The following TUT4 variants were observed in gnomAD, a reference collection of about 807,000 sequenced individuals.
TUT4 encodes the protein terminal uridylyl transferase 4.
TUT4 carries 36 observed loss-of-function variants against 192.2 expected under a neutral mutation model. The ratio of observed to expected loss-of-function variants is 0.19; its 90% CI spans 0.14 to 0.25. The LOEUF (loss-of-function observed/expected upper bound fraction) is 0.25, where lower values mean the gene tolerates loss of function less well. TUT4 is among the 10% of genes least tolerant of loss of function. The pLI, the probability that TUT4 is intolerant of heterozygous loss-of-function variation, is 1.00. For synonymous variants in TUT4, 618 were observed against 666.0 expected, an observed-to-expected ratio of 0.93 and a Z score of 1.11; for missense variants, 1,493 against 1,957.2, an observed-to-expected ratio of 0.76 and a Z score of 4.47.
At chr1:52,494,377 T>C (rs377204793) in intron 6 of TUT4, among the ~76,000 whole-genome samples, 1 of 152,126 alleles carries the variant, frequency 6.6e-6, no homozygotes, top group Non-Finnish European at 1.5e-5. Flanking sequence ...TTGTCAAATG[T>C]TTAAAGTGTT....
At chr1:52,552,843 A>C (rs1278778494) in intron 1 of TUT4, 88 bp downstream of exon 1, 2 of 152,294 alleles carry the variant, frequency 1.3e-5, no homozygotes. Context: ...GAAGCGCGGC[A>C]CCTGGGGAGG....
chr1:52,545,378 C>CAAA (rs1269542752), intron 1 of TUT4, among the ~76,000 whole-genome samples: 1 of 70,750 alleles, frequency 1.4e-5, no homozygotes, highest in African/African-American at 4.8e-5. Context: ...GACTCTGTCT[C>CAAA]AAAAAAAAAA....
intron 1 of TUT4, among the ~76,000 whole-genome samples, chr1:52,547,435 G>A (rs938722348): frequency 2.0e-5 from 3 of 151,906 alleles, no homozygotes; most frequent in Admixed American, 6.6e-5. Flanking sequence ...CACTGAGAAT[G>A]TAAAATGGTA....
Position 52,526,378 on chromosome 1 carries a change from T to C in TUT4, c.-93-5A>G, listed in dbSNP as rs369323533. On this transcript the variant is annotated splice_polypyrimidine_tract_variant and splice_region_variant and intron_variant, in intron 1 of 29. Transcript: ENST00000257177. ...AGTCCAGTTTAGGCAAGCAAACTATTGGGTTAAAAAAAAGAGAAAAATCTG... is the reference window on the plus strand; with the variant it reads ...AGTCCAGTTTAGGCAAGCAAACTATCGGGTTAAAAAAAAGAGAAAAATCTG... The C allele has an allele frequency of 6.3e-6, 7 of 1,109,112 alleles. No individual in the cohort carries two copies. Among genetic ancestry groups the C allele is most frequent in the Non-Finnish European group, 8.1e-6 (7 of 860,680 alleles). The allele number at this position is 1,109,112 out of a possible 1,614,324, so 68.7% of individuals were successfully genotyped here.
At chr1:52,459,835 T>C (rs934413075) in intron 19 of TUT4, among the ~76,000 whole-genome samples, 1 of 151,894 alleles carries the variant, frequency 6.6e-6, no homozygotes, top group Admixed American at 6.6e-5. Flanking sequence ...TGAGCCGAGA[T>C]TGTGCCACTG....
intron 9 of TUT4, among the ~76,000 whole-genome samples, chr1:52,485,132 T>A (rs919456175): frequency 6.6e-6 from 1 of 152,250 alleles, no homozygotes; most frequent in Non-Finnish European, 1.5e-5. Context: ...GCTGAATGCA[T>A]GGATTTGTTC....
In TUT4 at chr1:52,490,821, G is replaced by T. The variant is rs1279730352; in HGVS notation, c.1319-20C>A. 6.5e-7 allele frequency: 1 copy of T among 1,533,612 alleles called. No homozygotes were observed. Among genetic ancestry groups the T allele is most frequent in the Non-Finnish European group, 8.9e-7 (1 of 1,122,866 alleles). On this transcript the variant is annotated intron_variant, in intron 7 of 29. Transcript: ENST00000257177. ...ATAATACTAATAAGGAAAAAAAAAAGTAAGCTAATGTCAACATCTCTAAAA... is the reference window on the plus strand; with the variant it reads ...ATAATACTAATAAGGAAAAAAAAAATTAAGCTAATGTCAACATCTCTAAAA...
At chr1:52,502,055 A>G (rs1277967418) in intron 4 of TUT4, among the ~76,000 whole-genome samples, 1 of 151,900 alleles carries the variant, frequency 6.6e-6, no homozygotes, top group Admixed American at 6.6e-5. Context: ...AACAATGTAA[A>G]TGTACTTAAT....
chr1:52,472,894 T>C (rs1666151490), intron 13 of TUT4, among the ~76,000 whole-genome samples: 1 of 152,162 alleles, frequency 6.6e-6, no homozygotes, highest in South Asian at 2.1e-4. Flanking sequence ...CCTGGACATT[T>C]ATATAGCCAT....
chr1:52,445,149 A>G (rs563141038), intron 24 of TUT4, among the ~76,000 whole-genome samples: 14 of 151,910 alleles, frequency 9.2e-5, no homozygotes, highest in African/African-American at 2.4e-4. Context: ...ATTTCTTCTA[A>G]GTCTCCTGCT....
chr1:52,452,153 T>C (rs1659624303), intron 20 of TUT4, among the ~76,000 whole-genome samples: 1 of 152,020 alleles, frequency 6.6e-6, no homozygotes, highest in African/African-American at 2.4e-5. Flanking sequence ...AAAGACATTG[T>C]AAGTAAAGAA....
Position 52,438,333 on chromosome 1 carries a change from C to G in TUT4, c.3825G>C (p.Glu1275Asp). The change falls in exon 25 of 30, where the codon GAG (glutamate) becomes GAC (aspartate). Residue 1275 changes from glutamate to aspartate, a missense_variant and splice_region_variant. Glu to Asp is a conservative substitution (Grantham distance 45). This residue lies in a region of TUT4 where 141 missense variants were observed against 382.7 expected (regional missense o/e 0.37). Coordinates refer to ENST00000257177, the MANE Select transcript of TUT4 (RefSeq NM_001009881.3). The stretch of plus-strand genomic sequence containing the variant: ...TTAATACTCTGGAATCAAAGAAGTA[C>G]TCCTAGGGAGAAAATGCAATTTTAC... ...PFYPLIGREA[E>D]YFFDSRVLTD... is the part of the protein sequence containing the mutation. The G allele has an allele frequency of 6.2e-7, 1 of 1,603,868 alleles. No individual in the cohort carries two copies. Among genetic ancestry groups the G allele is most frequent in the Non-Finnish European group, 8.5e-7 (1 of 1,176,266 alleles).
chr1:52,436,904 C>A lies in TUT4; in HGVS notation c.4013G>T (p.Arg1338Leu). The A allele has an allele frequency of 6.4e-7, 1 of 1,550,580 alleles. No individual in the cohort carries two copies. Among genetic ancestry groups the A allele is most frequent in the South Asian group, 1.1e-5 (1 of 88,236 alleles). ...KEGNEEEKDS[R>L]DVLDPRDLHD... ...GAGGTCTCGGGGGTCAAGAACATCT[C>A]GGGAATCTTTCTCTTCTTCATTCCC... The change falls in exon 26 of 30, where the codon CGA (arginine) becomes CTA (leucine). Residue 1338 changes from arginine (R) to leucine (L), a missense_variant. This residue lies in a region of TUT4 where 351 missense variants were observed against 397.8 expected (regional missense o/e 0.88). Transcript: ENST00000257177.
Position 52,423,910 on chromosome 1 carries a change from C to T in TUT4, c.*25G>A. On this transcript the variant is annotated 3_prime_UTR_variant, in exon 30 of 30. Coordinates refer to ENST00000257177, the MANE Select transcript of TUT4 (RefSeq NM_001009881.3). ...TGGCTGGTTGCTGTGCATCGGTAGA[C>T]CAGCTGAAAGAAAATGGACTCGCAT... 1 of 1,609,944 alleles carries T rather than the reference C, an allele frequency of 6.2e-7. No homozygotes were observed. The highest frequency in any genetic ancestry group is 8.5e-7 in the Non-Finnish European group (1 of 1,178,182).
chr1:52,458,320 T>G lies in TUT4; in HGVS notation c.3435+16A>C, dbSNP rs1021979629. On this transcript the variant is annotated intron_variant, in intron 20 of 29. Coordinates refer to ENST00000257177, the MANE Select transcript of TUT4 (RefSeq NM_001009881.3). The stretch of plus-strand genomic sequence containing the variant: ...TTTTCAAAAAAAACTCCTTTATAGT[T>G]TTCTTAAACACCTACCTCTTGTAGA... 4 of 1,599,628 alleles carry G rather than the reference T, an allele frequency of 2.5e-6. No individual in the cohort carries two copies. Among genetic ancestry groups the G allele is most frequent in the Non-Finnish European group, 3.4e-6 (4 of 1,171,198 alleles).
At chr1:52,530,751 T>G (rs112267245) in intron 1 of TUT4, among the ~76,000 whole-genome samples, 3 of 152,154 alleles carry the variant, frequency 2.0e-5, no homozygotes, top group African/African-American at 7.2e-5. Context: ...ACCTGTAATC[T>G]CAGCTGCATA....
At chr1:52,538,492 T>C (rs1337110661) in intron 1 of TUT4, 3 of 151,340 alleles carry the variant, frequency 2.0e-5, no homozygotes, top group Non-Finnish European at 4.4e-5. Context: ...GGAGACTCCA[T>C]CTCTACAAAA....
At position 52,423,987 on chromosome 1, in the gene TUT4, C is replaced by G. The variant is rs61739684; in HGVS notation, c.4886G>C (p.Arg1629Pro). Residue 1629 changes from arginine (R) to proline (P), a missense_variant, in exon 30 of 30, where the codon CGT becomes CCT. Around this residue, in one of 7 missense-constraint regions of TUT4, gnomAD observed 351 missense variants for 397.8 expected, o/e 0.88. Coordinates refer to ENST00000257177, the MANE Select transcript of TUT4 (RefSeq NM_001009881.3). Reference protein sequence around the residue: ...PFYTQDRCATRRCRERCPHPP... With the variant: ...PFYTQDRCATPRCRERCPHPP... ...GTGGGGACAACGCTCTCTACACCGA[C>G]GGGTGGCACATCTGTCTGTTGGATA... The G allele has an allele frequency of 6.2e-7, 1 of 1,612,126 alleles. No homozygotes were observed. The highest frequency in any genetic ancestry group is 2.2e-5 in the East Asian group (1 of 44,826).
chr1:52,545,390 A>C (rs922916009), intron 1 of TUT4, among the ~76,000 whole-genome samples: 1 of 151,902 alleles, frequency 6.6e-6, no homozygotes, highest in Non-Finnish European at 1.5e-5. Flanking sequence ...AAAAAAAAAA[A>C]AAAAGTAACC....
Sources: allele counts gnomAD v4.1 joint callset (sites outside exome capture counted in the v4.1 genomes callset), GRCh38; gene constraint gnomAD v4.1.1; regional missense constraint gnomAD v4.1.1; transcripts MANE v1.5; gene names NCBI Gene and HGNC (gene_info 2026-07-23, HGNC 2026-07-21).